ATG7: variants seen among roughly 807,000 people sequenced by gnomAD.
ATG7 encodes autophagy related 7.
In ATG7, 70 loss-of-function variants were observed where a neutral mutation model predicts 82.4. That is an observed-to-expected ratio of 0.85 (90% CI 0.70 to 1.04). The LOEUF is 1.04. Among genes scored for constraint, ATG7 ranks in the 50% least tolerant of loss-of-function variants. ATG7 has a pLI of 0.00. For synonymous variants in ATG7, 287 were observed against 313.0 expected (o/e 0.92, Z 0.88); for missense variants, 792 against 864.3 (o/e 0.92, Z 1.05).
In ATG7 at chr3:11,282,337, A is replaced by G. The variant is rs956731864; in HGVS notation, c.-112A>G. 16 of 152,258 alleles carry G rather than the reference A, an allele frequency of 1.1e-4. No homozygotes were observed. The highest frequency in any genetic ancestry group is 3.6e-4 in the African/African-American group (15 of 41,460). 9.4% of individuals were successfully genotyped at this position (152,258 alleles called of 1,614,324 possible). Reference sequence around the variant, plus strand: ...GAAAAACAGCTCCTGGAAGTAACCAATGAGAAGGACAGATAAGAGTTTGAA... The same window carrying G: ...GAAAAACAGCTCCTGGAAGTAACCAGTGAGAAGGACAGATAAGAGTTTGAA... On this transcript the variant is annotated 5_prime_UTR_variant, in exon 3 of 21. An upstream start codon of the reference 5' UTR is lost. Coordinates refer to ENST00000693202, the MANE Select transcript of ATG7 (RefSeq NM_001349232.2).
chr3:11,362,350 C>T (rs1033069635), intron 16 of ATG7, among the ~76,000 whole-genome samples: 6 of 152,260 alleles, frequency 3.9e-5, no homozygotes, highest in East Asian at 1.9e-4. Context: ...AACTGAGGGC[C>T]GCAGGAATAG....
At chr3:11,466,811 A>T (rs1266231185) in intron 20 of ATG7, among the ~76,000 whole-genome samples, 1 of 152,178 alleles carries the variant, frequency 6.6e-6, no homozygotes, top group East Asian at 1.9e-4. Flanking sequence ...AGAAATTTTT[A>T]TGTCCTAAAT....
chr3:11,497,830 C>G (rs1320231382), intron 20 of ATG7, among the ~76,000 whole-genome samples: 1 of 151,924 alleles, frequency 6.6e-6, no homozygotes, highest in Admixed American at 6.6e-5. Flanking sequence ...TACAGGAGCC[C>G]AGATTATGAT....
chr3:11,463,381 C>G (rs1210231626), intron 20 of ATG7, among the ~76,000 whole-genome samples: 2 of 152,178 alleles, frequency 1.3e-5, no homozygotes, highest in Admixed American at 1.3e-4. Context: ...CAGATACTTC[C>G]CTCAGAATGG....
chr3:11,501,809 C>T (rs1559760348), intron 20 of ATG7, among the ~76,000 whole-genome samples: 1 of 152,170 alleles, frequency 6.6e-6, no homozygotes, highest in Non-Finnish European at 1.5e-5. Context: ...CCTGCCTCAG[C>T]CTCCTGAGTA....
intron 19 of ATG7, among the ~76,000 whole-genome samples, chr3:11,408,515 A>G (rs987236029): frequency 6.6e-6 from 1 of 152,156 alleles, no homozygotes; most frequent in South Asian, 2.1e-4. Context: ...GGATTAGTAC[A>G]TTTTTATGCT....
chr3:11,369,311 T>C (rs1212449148), intron 18 of ATG7, among the ~76,000 whole-genome samples: 1 of 150,968 alleles, frequency 6.6e-6, no homozygotes, highest in African/African-American at 2.4e-5. Context: ...ACCCCTCTGG[T>C]TCTAAACCTC....
intron 20 of ATG7, among the ~76,000 whole-genome samples, chr3:11,517,183 A>C (rs1005454590): frequency 1.3e-5 from 2 of 152,080 alleles, no homozygotes; most frequent in Non-Finnish European, 2.9e-5. Context: ...AAAATTATGG[A>C]GGCAAAAATT....
the ATG7 span, among the ~76,000 whole-genome samples, chr3:11,568,324 A>G: frequency 6.6e-6 from 1 of 152,222 alleles, no homozygotes; most frequent in Non-Finnish European, 1.5e-5. This position sits in a 1 kb window ranked among gnomAD's most constrained non-coding sequence, Gnocchi z 5.9. Context: ...ATGAGACCAC[A>G]TCACAGAGGA....
At chr3:11,494,900 C>T (rs1186143983) in intron 20 of ATG7, among the ~76,000 whole-genome samples, 3 of 152,054 alleles carry the variant, frequency 2.0e-5, no homozygotes, top group Non-Finnish European at 4.4e-5. Context: ...GGTGAAACCC[C>T]GTCTGTACTA....
Position 11,340,754 on chromosome 3 carries a change from TTTC to T in ATG7, c.980+21_980+23del. ...CTAAAAGGTATATTTGGGAAGCTGT[TTTC>T]TCCAGTCGGGCTTTTTGTAACCAAG... On this transcript the variant is annotated intron_variant, in intron 12 of 20. Transcript: ENST00000693202. 1.2e-6 allele frequency: 2 copies of T among 1,608,238 alleles called. No individual in the cohort carries two copies. Among genetic ancestry groups the T allele is most frequent in the Non-Finnish European group, 1.7e-6 (2 of 1,175,670 alleles).
intron 20 of ATG7, among the ~76,000 whole-genome samples, chr3:11,509,134 TG>T (rs541506223): frequency 9.3e-4 from 141 of 152,338 alleles, no homozygotes; most frequent in Non-Finnish European, 1.2e-3. Flanking sequence ...GGTCATGGGT[TG>T]GTTTTTTTTC....
intron 19 of ATG7, among the ~76,000 whole-genome samples, chr3:11,393,172 G>T (rs768829796): frequency 3.3e-5 from 5 of 152,090 alleles, no homozygotes; most frequent in Non-Finnish European, 5.9e-5. Context: ...TATAACCCAC[G>T]TATATATGCA....
intron 19 of ATG7, among the ~76,000 whole-genome samples, chr3:11,420,090 CTT>C: frequency 6.6e-6 from 1 of 152,076 alleles, no homozygotes; most frequent in Non-Finnish European, 1.5e-5. Context: ...TTTTCATTTT[CTT>C]TTCTTTTTTG....
intron 2 of ATG7, among the ~76,000 whole-genome samples, chr3:11,281,751 G>A (rs532072012): frequency 4.3e-4 from 63 of 146,116 alleles, no homozygotes; most frequent in South Asian, 8.6e-4. Context: ...TCTAACCTGG[G>A]CAACAAGAGC....
chr3:11,437,873 C>T (rs900291940), intron 20 of ATG7, among the ~76,000 whole-genome samples: 2 of 152,124 alleles, frequency 1.3e-5, no homozygotes, highest in Non-Finnish European at 2.9e-5. Flanking sequence ...AACAGAGTAC[C>T]ATCATCACAG....
At position 11,384,922 on chromosome 3, in the gene ATG7, G is replaced by A. The variant is rs553686197; in HGVS notation, c.1956+4870G>A. 2.6e-5 allele frequency among the ~76,000 whole-genome samples: 4 copies of A among 152,324 alleles called. No individual in the cohort carries two copies. The East Asian group carries it at 5.8e-4, about 22-fold the overall frequency. ...CATGCCATGGCACTATAGCCTGGGC[G>A]ACAGAGCAAGACTCTGTCATGCCCA... is the stretch of plus-strand genomic sequence containing the variant. On this transcript the variant is annotated intron_variant, in intron 19 of 20. Transcript: ENST00000693202.
At chr3:11,317,997 G>A (rs898525497) in intron 9 of ATG7, among the ~76,000 whole-genome samples, 1 of 152,210 alleles carries the variant, frequency 6.6e-6, no homozygotes. Flanking sequence ...TCCTTATAAG[G>A]TTTTGTGAGG....
rs2076855964 is a variant in ATG7 at position 11,369,545 on chromosome 3, C to T, written c.1875+4811C>T. Among the ~76,000 whole-genome samples the T allele has an allele frequency of 4.0e-5, 6 of 151,100 alleles. No homozygotes were observed. The South Asian group carries it at 1.3e-3, about 32-fold the overall frequency. On this transcript the variant is annotated intron_variant, in intron 18 of 20. Coordinates refer to ENST00000693202, the MANE Select transcript of ATG7 (RefSeq NM_001349232.2). ...GAGTTCCATTTGCGTTTGGGGTAATCTAAGGTGATGGATGTATCCCAAGCC... is the reference window on the plus strand; with the variant it reads ...GAGTTCCATTTGCGTTTGGGGTAATTTAAGGTGATGGATGTATCCCAAGCC...
Sources: gnomAD v4.1 joint callset for allele counts (sites outside exome capture counted in the v4.1 genomes callset) on GRCh38, gnomAD v4.1.1 for gene constraint, Gnocchi (gnomAD v3.1) non-coding constraint, MANE v1.5 for transcripts, NCBI Gene and HGNC (gene_info 2026-07-23, HGNC 2026-07-21) for gene names.